Variants in FAM200B observed in about 807,000 individuals in gnomAD.
FAM200B encodes the protein protein FAM200B.
FAM200B carries 32 observed loss-of-function variants against 33.1 expected under a neutral mutation model. That is an observed-to-expected ratio of 0.97 (90% CI 0.73 to 1.30). The LOEUF is 1.30. FAM200B is among the 50% of genes most tolerant of loss of function. The pLI, the probability that FAM200B is intolerant of heterozygous loss-of-function variation, is 0.00. For missense variants in FAM200B, 741 were observed against 754.0 expected, an observed-to-expected ratio of 0.98 and a Z score of 0.20; for synonymous variants, 240 against 264.8, an observed-to-expected ratio of 0.91 and a Z score of 0.91.
At chr4:15,665,315 G>C in the FAM200B span, among the ~76,000 whole-genome samples, 1 of 152,040 alleles carries the variant, frequency 6.6e-6, no homozygotes, top group Non-Finnish European at 1.5e-5. Flanking sequence ...CATCAGATGC[G>C]GTGTCAGGCA....
the FAM200B span, among the ~76,000 whole-genome samples, chr4:15,676,508 T>C: frequency 2.0e-5 from 3 of 152,318 alleles, no homozygotes; most frequent in African/African-American, 7.2e-5. Context: ...AAATGAAATA[T>C]GTGGACATAG....
At chr4:15,661,060 G>C in the FAM200B span, among the ~76,000 whole-genome samples, 1 of 150,830 alleles carries the variant, frequency 6.6e-6, no homozygotes, top group South Asian at 2.1e-4. Flanking sequence ...CTGGGTGACA[G>C]AGCAAGGCTC....
chr4:15,675,439 T>C, the FAM200B span, among the ~76,000 whole-genome samples: 1 of 152,156 alleles, frequency 6.6e-6, no homozygotes, highest in Admixed American at 6.5e-5. Context: ...GCCTTCAGGC[T>C]TAGATCCTAT....
chr4:15,649,975 G>A, the FAM200B span, among the ~76,000 whole-genome samples: 4 of 152,072 alleles, frequency 2.6e-5, no homozygotes, highest in Admixed American at 6.6e-5. Flanking sequence ...CATTAATAAA[G>A]CTATCTTTTC....
At chr4:15,677,445 T>G (rs558546919), upstream of FAM200B, among the ~76,000 whole-genome samples, 2 of 152,270 alleles carry the variant, frequency 1.3e-5, no homozygotes, top group Admixed American at 6.5e-5. Context: ...CTAGGTACCT[T>G]CAGGATGGAG....
rs1270258545 is a variant in FAM200B, at chr4:15,687,297, T to G, written c.320T>G (p.Leu107Ter). 6.5e-7 allele frequency: 1 copy of G among 1,547,088 alleles called. No individual in the cohort carries two copies. The highest frequency in any genetic ancestry group is 1.7e-4 in the Middle Eastern group (1 of 5,970). ...AAACCTTCGAAATTAAAAAGGCACT[T>G]AGAAACTCAGCATGCTGAACTTATT... The part of the protein sequence containing the change: ...SLKPSKLKRH[L>*]ETQHAELIDK... Residue 107 changes from leucine to a stop codon, truncating the protein, a stop_gained, in exon 2 of 2, where the codon TTA becomes TGA. Transcript: ENST00000422728. LOFTEE classifies it high-confidence loss of function.
the FAM200B span, among the ~76,000 whole-genome samples, chr4:15,662,265 C>T: frequency 1.3e-5 from 2 of 152,158 alleles, no homozygotes; most frequent in African/African-American, 4.8e-5. Context: ...GGGGCATAGG[C>T]TCCTTCCACG....
At chr4:15,663,177 A>G in the FAM200B span, among the ~76,000 whole-genome samples, 3 of 152,200 alleles carry the variant, frequency 2.0e-5, no homozygotes, top group African/African-American at 7.2e-5. Context: ...ATACCATAAT[A>G]TTTGTATGAT....
chr4:15,677,660 TG>T (rs1447756499), upstream of FAM200B, among the ~76,000 whole-genome samples: 2 of 152,194 alleles, frequency 1.3e-5, no homozygotes, highest in Non-Finnish European at 2.9e-5. Flanking sequence ...AGAGAGGGCA[TG>T]AAAGTTTTGC....
At chr4:15,639,177 T>C in the FAM200B span, among the ~76,000 whole-genome samples, 1 of 152,148 alleles carries the variant, frequency 6.6e-6, no homozygotes, top group East Asian at 1.9e-4. Context: ...GAAAAATAAA[T>C]AAATAAAATA....
upstream of FAM200B, among the ~76,000 whole-genome samples, chr4:15,676,999 A>C (rs1364810319): frequency 2.0e-5 from 3 of 152,206 alleles, no homozygotes; most frequent in African/African-American, 7.2e-5. Context: ...AAACCACTGA[A>C]AGCATACATG....
chr4:15,647,095 CA>C, the FAM200B span, among the ~76,000 whole-genome samples: 2 of 151,270 alleles, frequency 1.3e-5, no homozygotes, highest in African/African-American at 2.4e-5. Flanking sequence ...TGGTGGTGTG[CA>C]CCTGTAGTCC....
chr4:15,686,918 CT>C lies in FAM200B; in HGVS notation c.-54del. The C allele has an allele frequency of 1.1e-6, 1 of 893,894 alleles. No individual in the cohort carries two copies. Among genetic ancestry groups the C allele is most frequent in the Non-Finnish European group, 1.6e-6 (1 of 625,264 alleles). 55.4% of individuals were successfully genotyped at this position (893,894 alleles called of 1,614,324 possible). ...TATTTAGACTGTATATTTTTTTCTT[CT>C]TTTTTGAGTTAGTGCCAATTATAAC... On this transcript the variant is annotated 5_prime_UTR_variant, in exon 2 of 2. An upstream open reading frame in the 5' UTR gains an earlier in-frame stop. Transcript: ENST00000422728.
chr4:15,667,170 T>C, the FAM200B span, among the ~76,000 whole-genome samples: 1 of 152,222 alleles, frequency 6.6e-6, no homozygotes, highest in East Asian at 1.9e-4. Flanking sequence ...GGCACCTGAA[T>C]ACACGTCGTA....
At chr4:15,656,194 A>G in the FAM200B span, 4 of 456,108 alleles carry the variant, frequency 8.8e-6, no homozygotes, top group African/African-American at 6.0e-5. Flanking sequence ...CCGCCATTTT[A>G]AGCGGAGGTT....
the FAM200B span, among the ~76,000 whole-genome samples, chr4:15,668,428 C>T: frequency 6.6e-6 from 1 of 151,702 alleles, no homozygotes; most frequent in African/African-American, 2.4e-5. Flanking sequence ...TTTTAAACAG[C>T]AGATTTTGAC....
the FAM200B span, chr4:15,641,730 C>A: frequency 2.5e-6 from 1 of 395,542 alleles, no homozygotes; most frequent in South Asian, 1.9e-5. Context: ...TCAACTGTAC[C>A]TGTTAACATT....
the FAM200B span, among the ~76,000 whole-genome samples, chr4:15,649,358 T>A: frequency 6.6e-6 from 1 of 151,906 alleles, no homozygotes; most frequent in Non-Finnish European, 1.5e-5. Context: ...GGCAGGCGGA[T>A]CACAAGGTTA....
At chr4:15,651,973 G>A in the FAM200B span, among the ~76,000 whole-genome samples, 1 of 152,060 alleles carries the variant, frequency 6.6e-6, no homozygotes, top group Admixed American at 6.6e-5. Context: ...ACCCTATTTG[G>A]ATTTCCATCC....
Sources: gnomAD v4.1 joint callset for allele counts (sites outside exome capture counted in the v4.1 genomes callset) on GRCh38, gnomAD v4.1.1 for gene constraint, MANE v1.5 for transcripts, NCBI Gene and HGNC (gene_info 2026-07-23, HGNC 2026-07-21) for gene names.